The following DTWD1 variants were observed in gnomAD, a reference collection of about 807,000 sequenced individuals.
DTWD1 encodes the protein DTW motif tRNA-uridine aminocarboxypropyltransferase 1.
In DTWD1, 27 loss-of-function variants were observed where a neutral mutation model predicts 30.2. That is an observed-to-expected ratio of 0.90 (90% CI 0.66 to 1.23). The LOEUF is 1.23. Ranked by LOEUF, DTWD1 falls within the 50% of genes most tolerant of loss-of-function variation. The pLI, the probability that DTWD1 is intolerant of heterozygous loss-of-function variation, is 0.00. For synonymous variants in DTWD1, 99 were observed against 113.1 expected, an observed-to-expected ratio of 0.88 and a Z score of 0.79; for missense variants, 342 against 348.8, an observed-to-expected ratio of 0.98 and a Z score of 0.15.
chr15:49,628,794 C>G (rs151213469), intron 2 of DTWD1, among the ~76,000 whole-genome samples: 2 of 151,850 alleles, frequency 1.3e-5, no homozygotes, highest in South Asian at 4.2e-4. Flanking sequence ...AATGTCCATA[C>G]GAAGCCTCAG....
At position 49,648,183 on chromosome 15, in the gene DTWD1, T is replaced by C. The variant is rs1357242772; in HGVS notation, c.*4605T>C. 6.6e-6 allele frequency: 1 copy of C among 152,208 alleles called. No individual in the cohort carries two copies. Among genetic ancestry groups the C allele is most frequent in the African/African-American group, 2.4e-5 (1 of 41,464 alleles). 9.4% of individuals were successfully genotyped at this position (152,208 alleles called of 1,614,324 possible). ...CAAAAAATAATGAGCATTAGGTAGA[T>C]GGAATGAAAGTCTATTCATACACTG... On this transcript the variant is annotated 3_prime_UTR_variant, in exon 5 of 5. Coordinates refer to ENST00000403028, the MANE Select transcript of DTWD1 (RefSeq NM_001144955.2).
At chr15:49,638,005 C>T (rs778527699) in intron 4 of DTWD1, among the ~76,000 whole-genome samples, 1 of 152,066 alleles carries the variant, frequency 6.6e-6, no homozygotes, top group Non-Finnish European at 1.5e-5. Flanking sequence ...ATTTTGTTGC[C>T]GATGTTTGAT....
At position 49,645,110 on chromosome 15, in the gene DTWD1, G is replaced by C. The variant is rs2079108795; in HGVS notation, c.*1532G>C. 1 of 152,148 alleles carries C rather than the reference G, an allele frequency of 6.6e-6. No individual in the cohort carries two copies. Among genetic ancestry groups the C allele is most frequent in the Admixed American group, 6.5e-5 (1 of 15,270 alleles). The allele number at this position is 152,148 out of a possible 1,614,324, so 9.4% of individuals were successfully genotyped here. ...CAAAACATATTAAAGGTTCTGAAAA[G>C]TCCTGAAATAAACATTTTGAACTTT... On this transcript the variant is annotated 3_prime_UTR_variant, in exon 5 of 5. Transcript: ENST00000403028.
intron 4 of DTWD1, among the ~76,000 whole-genome samples, chr15:49,637,816 C>A (rs777688072): frequency 7.2e-5 from 11 of 152,050 alleles, no homozygotes; most frequent in Non-Finnish European, 1.3e-4. Context: ...TTCATTAATT[C>A]CAAGCTGAAG....
chr15:49,625,525 A>G (rs2078830881), intron 2 of DTWD1, 94 bp downstream of exon 2: 1 of 1,209,828 alleles, frequency 8.3e-7, no homozygotes, highest in African/African-American at 1.5e-5. Context: ...TTAATAAATA[A>G]TGTTATTATT....
chr15:49,642,439 T>C (rs1024165231), intron 4 of DTWD1, among the ~76,000 whole-genome samples: 2 of 152,142 alleles, frequency 1.3e-5, no homozygotes, highest in African/African-American at 2.4e-5. Flanking sequence ...GACTGTGTTA[T>C]TGAGCTCTGC....
chr15:49,649,324 C>G lies in DTWD1; in HGVS notation c.*5746C>G, dbSNP rs1202384362. Reference sequence around the variant, plus strand: ...CAAGTATGAATATAGTATAAAGACACAGAAGGTCTCAAAGGTATTACCTCC... The same window carrying G: ...CAAGTATGAATATAGTATAAAGACAGAGAAGGTCTCAAAGGTATTACCTCC... On this transcript the variant is annotated 3_prime_UTR_variant, in exon 5 of 5. Transcript: ENST00000403028. 1.3e-5 allele frequency: 2 copies of G among 152,038 alleles called. No individual in the cohort carries two copies. The highest frequency in any genetic ancestry group is 2.4e-5 in the African/African-American group (1 of 41,366). 9.4% of individuals were successfully genotyped at this position (152,038 alleles called of 1,614,324 possible).
At chr15:49,633,037 T>TTATATATATATATATATATATA (rs1555588540) in intron 3 of DTWD1, among the ~76,000 whole-genome samples, 11 of 76,694 alleles carry the variant, frequency 1.4e-4, no homozygotes, top group Non-Finnish European at 4.4e-4. Flanking sequence ...ACTTTCCTAT[T>TTATATATATATATATATATATA]TATATCTATA....
Position 49,634,810 on chromosome 15 carries a change from T to G in DTWD1, c.667+16T>G, listed in dbSNP as rs774668720. On this transcript the variant is annotated intron_variant, in intron 4 of 4. Transcript: ENST00000403028. ...CGACTTCAAGGTAAAAAAAAAATGT[T>G]TTTTTGGACTGCTCCTCCCTCAGAC... 4 of 1,549,666 alleles carry G rather than the reference T, an allele frequency of 2.6e-6. No homozygotes were observed. The Admixed American group carries it at 8.9e-5, about 34-fold the overall frequency.
rs1486639077 is a variant in DTWD1 at position 49,648,222 on chromosome 15, A to G, written c.*4644A>G. The stretch of plus-strand genomic sequence containing the variant: ...ATTCATACACTGTATATTAAGCTCT[A>G]TATACACTGCATATCATCATCATGA... On this transcript the variant is annotated 3_prime_UTR_variant, in exon 5 of 5. Transcript: ENST00000403028. The G allele has an allele frequency of 6.6e-6, 1 of 152,170 alleles. No individual in the cohort carries two copies. The highest frequency in any genetic ancestry group is 6.5e-5 in the Admixed American group (1 of 15,278). The allele number at this position is 152,170 out of a possible 1,614,324, so 9.4% of individuals were successfully genotyped here. A position where few individuals can be genotyped will look rare whatever the true frequency, so the allele number is the denominator to read the frequency against.
At position 49,652,296 on chromosome 15, in the gene DTWD1, T is replaced by G. The variant is rs535166107; in HGVS notation, c.*8718T>G. 10 of 152,248 alleles carry G rather than the reference T, an allele frequency of 6.6e-5. No homozygotes were observed. The highest frequency in any genetic ancestry group is 2.4e-4 in the African/African-American group (10 of 41,568). 9.4% of individuals were successfully genotyped at this position (152,248 alleles called of 1,614,324 possible). A position where few individuals can be genotyped will look rare whatever the true frequency, so the allele number is the denominator to read the frequency against. On this transcript the variant is annotated 3_prime_UTR_variant, in exon 5 of 5. Transcript: ENST00000403028. Reference sequence around the variant, plus strand: ...ATACTTTCGGTTCCTTGTGTCTGTCTAGGGAGCAGCAGCCAATAAAAGGAG... The same window carrying G: ...ATACTTTCGGTTCCTTGTGTCTGTCGAGGGAGCAGCAGCCAATAAAAGGAG...
At chr15:49,621,964 T>C (rs565515931) in intron 1 of DTWD1, among the ~76,000 whole-genome samples, 26 of 152,126 alleles carry the variant, frequency 1.7e-4, no homozygotes, top group Non-Finnish European at 3.7e-4. Context: ...TAGTGTTCCA[T>C]TGGGAGGTGA....
At position 49,625,530 on chromosome 15, in the gene DTWD1, A is replaced by G. The variant is rs901523573; in HGVS notation, c.264+99A>G. The G allele has an allele frequency of 9.9e-6, 12 of 1,210,190 alleles. No individual in the cohort carries two copies. In the African/African-American group the frequency reaches 1.7e-4, roughly 17 times the overall value. 75.0% of individuals were successfully genotyped at this position (1,210,190 alleles called of 1,614,324 possible). On this transcript the variant is annotated intron_variant, in intron 2 of 4. Transcript: ENST00000403028. ...ATTGATAAACTTAATAAATAATGTT[A>G]TTATTGTTAGAAACAAGTGCTTGTT...
rs764043954 is a variant in DTWD1, at chr15:49,629,079, A to G, written c.265-3080A>G. On this transcript the variant is annotated intron_variant, in intron 2 of 4. Transcript: ENST00000403028. ...TCAACTCCCACTTATGAGTGAGAAC[A>G]TGCGTTGTTTGGTTTTCTGTTCCTG... Among the ~76,000 whole-genome samples the G allele has an allele frequency of 2.6e-5, 4 of 152,212 alleles. No homozygotes were observed. The East Asian group carries it at 5.8e-4, about 22-fold the overall frequency.
intron 2 of DTWD1, chr15:49,629,799 G>A (rs2078894340): frequency 6.6e-6 from 1 of 152,098 alleles, no homozygotes; most frequent in East Asian, 1.9e-4. Flanking sequence ...AATGATCATT[G>A]GGCCTAACTT....
chr15:49,631,774 A>G (rs370296452), intron 2 of DTWD1, among the ~76,000 whole-genome samples: 3 of 152,190 alleles, frequency 2.0e-5, no homozygotes, highest in East Asian at 3.9e-4. Flanking sequence ...ATAAATAAAT[A>G]AAAATAAAAT....
intron 1 of DTWD1, among the ~76,000 whole-genome samples, chr15:49,623,132 G>A (rs1039467008): frequency 6.6e-6 from 1 of 152,188 alleles, no homozygotes; most frequent in African/African-American, 2.4e-5. Context: ...GTCCCACTAT[G>A]CCTGGGCCTT....
chr15:49,628,363 A>G (rs936408113), intron 2 of DTWD1, among the ~76,000 whole-genome samples: 7 of 152,260 alleles, frequency 4.6e-5, no homozygotes, highest in Admixed American at 1.3e-4. Context: ...AGTGTAGTAT[A>G]GCAAATATAT....
intron 2 of DTWD1, among the ~76,000 whole-genome samples, chr15:49,628,064 TTTA>T (rs1229979066): frequency 2.6e-5 from 4 of 151,984 alleles, no homozygotes; most frequent in East Asian, 1.9e-4. Context: ...TATTCCTATT[TTTA>T]TTATTTATTT....
Sources: allele counts gnomAD v4.1 joint callset (sites outside exome capture counted in the v4.1 genomes callset), GRCh38; gene constraint gnomAD v4.1.1; transcripts MANE v1.5; gene names NCBI Gene and HGNC (gene_info 2026-07-23, HGNC 2026-07-21).